Variants in METTL15 observed in about 807,000 individuals in gnomAD.
METTL15 encodes the protein methyltransferase 15, mitochondrial 12S rRNA N4-cytidine, also known as 12S rRNA N(4)-cytidine methyltransferase METTL15.
METTL15 carries 34 observed loss-of-function variants against 38.3 expected under a neutral mutation model. That is an observed-to-expected ratio of 0.89 (90% CI 0.68 to 1.18). METTL15 has a LOEUF of 1.18. METTL15 is among the 50% of genes most tolerant of loss of function. The probability of loss-of-function intolerance (pLI) is 0.00; values close to 1 mark genes in which losing one functional copy is unlikely to be tolerated. For synonymous variants in METTL15, 162 were observed against 170.9 expected (o/e 0.95, Z 0.41); for missense variants, 438 against 498.4 (o/e 0.88, Z 1.15).
intron 4 of METTL15, among the ~76,000 whole-genome samples, chr11:28,355,446 A>T (rs1348536393): frequency 6.6e-6 from 1 of 152,130 alleles, no homozygotes; most frequent in Non-Finnish European, 1.5e-5. Context: ...CCATTACATT[A>T]AATTCCCTAC....
At chr11:28,512,094 A>C (rs999663903) in intron 6 of METTL15, among the ~76,000 whole-genome samples, 1 of 152,164 alleles carries the variant, frequency 6.6e-6, no homozygotes, top group Non-Finnish European at 1.5e-5. Flanking sequence ...TGAGCTAGAC[A>C]CAAAAGTTCT....
chr11:28,188,324 A>G (rs1851580527), intron 3 of METTL15, among the ~76,000 whole-genome samples: 1 of 151,324 alleles, frequency 6.6e-6, no homozygotes, highest in Non-Finnish European at 1.5e-5. Flanking sequence ...CATATATAGT[A>G]TTACATTTGT....
Position 28,296,813 on chromosome 11 carries a change from A to C in METTL15, c.660A>C (p.Ala220=). ...VVNALDQQAL[A]SILRTYGEEK... is the part of the protein sequence containing the mutation. ...ATGCTTTAGATCAACAGGCACTTGC[A>C]TCTATCCTAAGAACATACGGGGAGG... Residue 220 remains alanine (A), a synonymous_variant, in exon 6 of 7, where the codon GCA becomes GCC. Coordinates refer to ENST00000407364, the MANE Select transcript of METTL15 (RefSeq NM_001113528.2). 6.2e-7 allele frequency: 1 copy of C among 1,613,542 alleles called. No individual in the cohort carries two copies. Among genetic ancestry groups the C allele is most frequent in the African/African-American group, 1.3e-5 (1 of 74,976 alleles).
intron 6 of METTL15, among the ~76,000 whole-genome samples, chr11:28,513,136 A>T: frequency 6.6e-6 from 1 of 152,202 alleles, no homozygotes; most frequent in East Asian, 1.9e-4. Context: ...CCAGACTCAA[A>T]CTGTAGGTTC....
chr11:28,300,376 C>G (rs1856871587), intron 6 of METTL15, among the ~76,000 whole-genome samples: 1 of 152,038 alleles, frequency 6.6e-6, no homozygotes, highest in African/African-American at 2.4e-5. Context: ...ACTAATAATT[C>G]AGTAGGACAA....
chr11:28,412,483 A>T (rs900529617), intron 5 of METTL15, among the ~76,000 whole-genome samples: 1 of 151,926 alleles, frequency 6.6e-6, no homozygotes, highest in Non-Finnish European at 1.5e-5. Flanking sequence ...TGTTATGGTG[A>T]TATATAATTA....
intron 3 of METTL15, among the ~76,000 whole-genome samples, chr11:28,179,247 G>A (rs892680457): frequency 6.6e-6 from 1 of 151,516 alleles, no homozygotes; most frequent in African/African-American, 2.4e-5. Flanking sequence ...TATTTGTATG[G>A]CTTAAATACA....
intron 4 of METTL15, among the ~76,000 whole-genome samples, chr11:28,243,567 T>C (rs1025649022): frequency 6.6e-6 from 1 of 152,168 alleles, no homozygotes; most frequent in Non-Finnish European, 1.5e-5. Flanking sequence ...TCTTTGCCAA[T>C]GTTGCGGCAT....
Position 28,113,316 on chromosome 11 carries a change from A to G in METTL15, c.-17-2A>G. ...CAATCATATTTTAATTTTTTTTTCTAGATTTGTTTACCTACAAAATGCTTC... is the reference window on the plus strand; with the variant it reads ...CAATCATATTTTAATTTTTTTTTCTGGATTTGTTTACCTACAAAATGCTTC... On this transcript the variant is annotated splice_acceptor_variant, in intron 2 of 6. Transcript: ENST00000407364. LOFTEE classifies it low-confidence loss of function (5UTR_SPLICE). The G allele has an allele frequency of 1.3e-6, 2 of 1,508,762 alleles. No individual in the cohort carries two copies. The allele number at this position is 1,508,762 out of a possible 1,614,324, so 93.5% of individuals were successfully genotyped here. A position where few individuals can be genotyped will look rare whatever the true frequency, so the allele number is the denominator to read the frequency against.
intron 4 of METTL15, among the ~76,000 whole-genome samples, chr11:28,228,842 C>G (rs536395454): frequency 1.3e-5 from 2 of 151,974 alleles, no homozygotes; most frequent in Admixed American, 6.6e-5. Context: ...TGCAGACTTA[C>G]AAGGTATCTG....
At chr11:28,174,307 G>T (rs1850970629) in intron 3 of METTL15, among the ~76,000 whole-genome samples, 2 of 149,128 alleles carry the variant, frequency 1.3e-5, no homozygotes, top group Non-Finnish European at 3.0e-5. Flanking sequence ...CATAGTTAGT[G>T]AGATTTTCCC....
At chr11:28,474,863 CTA>C (rs1851332302) in intron 6 of METTL15, among the ~76,000 whole-genome samples, 2 of 152,142 alleles carry the variant, frequency 1.3e-5, no homozygotes, top group African/African-American at 4.8e-5. Flanking sequence ...CATGCAGTTA[CTA>C]ATGGTGGTAC....
At chr11:28,232,955 A>G (rs780387748) in intron 4 of METTL15, among the ~76,000 whole-genome samples, 13 of 152,178 alleles carry the variant, frequency 8.5e-5, no homozygotes, top group Admixed American at 7.2e-4. Context: ...TCATGAAGAA[A>G]GATAGAATAA....
chr11:28,418,011 T>C (rs1293910977), intron 5 of METTL15, among the ~76,000 whole-genome samples: 3 of 152,178 alleles, frequency 2.0e-5, no homozygotes, highest in East Asian at 3.9e-4. Context: ...ATAGAGCCTA[T>C]TGAGTGCAGG....
intron 6 of METTL15, among the ~76,000 whole-genome samples, chr11:28,441,971 A>G (rs78830279): frequency 6.6e-6 from 1 of 152,174 alleles, no homozygotes; most frequent in Non-Finnish European, 1.5e-5. Flanking sequence ...ACTGGAAAAG[A>G]AGTAGATTGT....
chr11:28,463,128 A>T (rs1851229625), intron 6 of METTL15, among the ~76,000 whole-genome samples: 1 of 152,160 alleles, frequency 6.6e-6, no homozygotes, highest in Admixed American at 6.6e-5. Context: ...TATCACAGAT[A>T]TGTAAACATA....
At chr11:28,464,605 T>C (rs926790025) in intron 6 of METTL15, among the ~76,000 whole-genome samples, 1 of 152,202 alleles carries the variant, frequency 6.6e-6, no homozygotes, top group Non-Finnish European at 1.5e-5. Flanking sequence ...AAACAGATGA[T>C]ATGTGAATCC....
At chr11:28,427,756 A>C (rs1850878314) in intron 6 of METTL15, among the ~76,000 whole-genome samples, 1 of 152,192 alleles carries the variant, frequency 6.6e-6, no homozygotes, top group South Asian at 2.1e-4. Flanking sequence ...GTGTATAGGA[A>C]TGCTAGCGAT....
intron 4 of METTL15, among the ~76,000 whole-genome samples, chr11:28,235,817 G>A (rs983947679): frequency 1.3e-5 from 2 of 152,080 alleles, no homozygotes; most frequent in African/African-American, 4.8e-5. Context: ...CTGCCTCATT[G>A]CCCTGGCCAG....
Sources: gnomAD v4.1 joint callset for allele counts (sites outside exome capture counted in the v4.1 genomes callset) on GRCh38, gnomAD v4.1.1 for gene constraint, MANE v1.5 for transcripts, NCBI Gene and HGNC (gene_info 2026-07-23, HGNC 2026-07-21) for gene names.